The following SLC35F4 variants were observed in gnomAD, a reference collection of about 807,000 sequenced individuals.
The protein encoded by SLC35F4 is chromosome 14 open reading frame 36.
In SLC35F4, 24 loss-of-function variants were observed where a neutral mutation model predicts 44.2. The ratio of observed to expected loss-of-function variants is 0.54; its 90% CI spans 0.39 to 0.76. SLC35F4 has a LOEUF of 0.76. SLC35F4 is among the 30% of genes least tolerant of loss of function. SLC35F4 has a pLI of 0.00. For synonymous variants in SLC35F4, 238 were observed against 223.6 expected, an observed-to-expected ratio of 1.06 and a Z score of -0.57; for missense variants, 562 against 586.1, an observed-to-expected ratio of 0.96 and a Z score of 0.42.
At chr14:57,595,502 G>A (rs1055320857) in intron 1 of SLC35F4, among the ~76,000 whole-genome samples, 1 of 152,118 alleles carries the variant, frequency 6.6e-6, no homozygotes, top group Admixed American at 6.5e-5. Flanking sequence ...GGAAGAGAGG[G>A]TGCTAAGCCT....
intron 1 of SLC35F4, among the ~76,000 whole-genome samples, chr14:57,708,844 G>A (rs1222405920): frequency 6.6e-6 from 1 of 152,048 alleles, no homozygotes; most frequent in Admixed American, 6.6e-5. Flanking sequence ...GATAGGTAAG[G>A]TCATGTGGGT....
chr14:57,929,493 G>A (rs1889651065), intron 1 of SLC35F4, among the ~76,000 whole-genome samples: 1 of 152,016 alleles, frequency 6.6e-6, no homozygotes, highest in East Asian at 1.9e-4. Context: ...AACCATTAGT[G>A]TTCAGGAGAT....
intron 1 of SLC35F4, among the ~76,000 whole-genome samples, chr14:57,930,018 G>T (rs952105991): frequency 1.3e-5 from 2 of 152,180 alleles, no homozygotes; most frequent in Non-Finnish European, 2.9e-5. Flanking sequence ...GATAGGGGAA[G>T]ATTGGCCATA....
At chr14:57,772,667 G>T (rs2140689553) in intron 1 of SLC35F4, among the ~76,000 whole-genome samples, 1 of 152,260 alleles carries the variant, frequency 6.6e-6, no homozygotes. Flanking sequence ...ATAGCCTCTA[G>T]TTCCATCCAT....
At chr14:57,771,480 A>G (rs932964842) in intron 1 of SLC35F4, among the ~76,000 whole-genome samples, 1 of 152,248 alleles carries the variant, frequency 6.6e-6, no homozygotes, top group Non-Finnish European at 1.5e-5. Context: ...CTGTCAACAT[A>G]AAAAAGAAGG....
chr14:57,868,121 A>T (rs1595256906), upstream of SLC35F4, among the ~76,000 whole-genome samples: 1 of 152,362 alleles, frequency 6.6e-6, no homozygotes, highest in East Asian at 1.9e-4. Context: ...AATTCAGCAT[A>T]AATTTAAATA....
intron 1 of SLC35F4, among the ~76,000 whole-genome samples, chr14:57,668,417 C>T (rs1167359043): frequency 6.6e-6 from 1 of 152,020 alleles, no homozygotes; most frequent in African/African-American, 2.4e-5. Flanking sequence ...TGCCTATGTC[C>T]TGAATGGTAT....
At chr14:57,592,570 TG>T (rs1303889495) in intron 2 of SLC35F4, among the ~76,000 whole-genome samples, 2 of 152,190 alleles carry the variant, frequency 1.3e-5, no homozygotes, top group Non-Finnish European at 2.9e-5. Flanking sequence ...TGCAAACAAC[TG>T]GGGTAATAGG....
At chr14:57,797,558 T>A (rs898888151) in intron 1 of SLC35F4, among the ~76,000 whole-genome samples, 8 of 152,178 alleles carry the variant, frequency 5.3e-5, no homozygotes, top group Non-Finnish European at 1.5e-5. Flanking sequence ...AACTCTGAAG[T>A]ACCTTCCAGC....
intron 1 of SLC35F4, among the ~76,000 whole-genome samples, chr14:57,673,531 C>T (rs2074588935): frequency 6.6e-6 from 1 of 152,080 alleles, no homozygotes; most frequent in African/African-American, 2.4e-5. Context: ...TTCACCAGCA[C>T]TCCAGAAAAT....
At chr14:57,721,283 A>G (rs2076080704) in intron 1 of SLC35F4, among the ~76,000 whole-genome samples, 1 of 152,010 alleles carries the variant, frequency 6.6e-6, no homozygotes, top group Admixed American at 6.6e-5. Context: ...AAATAAATGC[A>G]TTTGACACTC....
At chr14:57,646,301 G>T (rs911740194) in intron 1 of SLC35F4, among the ~76,000 whole-genome samples, 1 of 152,030 alleles carries the variant, frequency 6.6e-6, no homozygotes, top group Non-Finnish European at 1.5e-5. Context: ...CAATTTCAGA[G>T]CCTGTTATTG....
intron 1 of SLC35F4, among the ~76,000 whole-genome samples, chr14:57,840,313 C>G (rs533895446): frequency 5.9e-5 from 9 of 152,272 alleles, no homozygotes; most frequent in African/African-American, 2.2e-4. Flanking sequence ...TGCCCTCAGT[C>G]ACAAATAGCA....
chr14:57,766,942 C>A (rs926976542), intron 1 of SLC35F4, among the ~76,000 whole-genome samples: 7 of 152,020 alleles, frequency 4.6e-5, no homozygotes, highest in African/African-American at 1.7e-4. Context: ...ACTTCGAATT[C>A]TACAAAAAGG....
At chr14:57,646,328 C>A (rs1037651035) in intron 1 of SLC35F4, among the ~76,000 whole-genome samples, 8 of 151,946 alleles carry the variant, frequency 5.3e-5, no homozygotes, top group Non-Finnish European at 1.0e-4. Context: ...TCAGAGATTC[C>A]ACTTCTTCCT....
intron 1 of SLC35F4, among the ~76,000 whole-genome samples, chr14:57,631,919 G>T (rs1260566801): frequency 2.0e-5 from 3 of 152,068 alleles, no homozygotes; most frequent in Non-Finnish European, 4.4e-5. Context: ...TTATCACAAA[G>T]AAACGATTCC....
In SLC35F4 at chr14:57,735,565, T is replaced by C. The variant is rs150366982; in HGVS notation, c.103+130158A>G. 4.5e-3 allele frequency among the ~76,000 whole-genome samples: 684 copies of C among 152,288 alleles called. 1 individual carries two copies. Among genetic ancestry groups the C allele is most frequent in the Non-Finnish European group, 7.1e-3 (481 of 68,016 alleles). ...TAGCCTCCAGCATGCTAGACTAGCT[T>C]TCCCACATGACTGTCTCAGGGCAAT... On this transcript the variant is annotated intron_variant, in intron 1 of 7. Transcript: ENST00000556826.
At chr14:57,961,202 G>A (rs866087972) in intron 1 of SLC35F4, among the ~76,000 whole-genome samples, 1 of 152,034 alleles carries the variant, frequency 6.6e-6, no homozygotes, top group African/African-American at 2.4e-5. Flanking sequence ...TGGCTTCCTC[G>A]TACCCCACAA....
At chr14:57,817,930 A>C (rs1451585922) in intron 1 of SLC35F4, among the ~76,000 whole-genome samples, 2 of 152,260 alleles carry the variant, frequency 1.3e-5, no homozygotes, top group Non-Finnish European at 2.9e-5. Context: ...GAAGGGTCCA[A>C]GGATAGTCAC....
Sources: allele counts gnomAD v4.1 joint callset (sites outside exome capture counted in the v4.1 genomes callset), GRCh38; gene constraint gnomAD v4.1.1; transcripts MANE v1.5; gene names NCBI Gene and HGNC (gene_info 2026-07-23, HGNC 2026-07-21).